Variants in LCTL observed in about 807,000 individuals in gnomAD.
The protein encoded by LCTL is lactase like, also known as lactase-like protein.
A neutral mutation model predicts 75.8 loss-of-function variants in LCTL; 76 were observed. The ratio of observed to expected loss-of-function variants is 1.00; its 90% CI spans 0.83 to 1.21. The LOEUF is 1.21. Among genes scored for constraint, LCTL ranks in the 50% most tolerant of loss-of-function variants. LCTL has a pLI of 0.00. For missense variants in LCTL, 670 were observed against 712.4 expected, an observed-to-expected ratio of 0.94 and a Z score of 0.68; for synonymous variants, 271 against 268.8, an observed-to-expected ratio of 1.01 and a Z score of -0.08.
intron 8 of LCTL, among the ~76,000 whole-genome samples, chr15:66,553,945 C>A (rs148602106): frequency 0.011 from 1,739 of 151,934 alleles, 19 homozygotes; most frequent in South Asian, 0.052. Flanking sequence ...CACTTGAGAT[C>A]AGGAGTTCGC....
chr15:66,551,801 T>C lies in LCTL; in HGVS notation c.1385A>G (p.Glu462Gly), dbSNP rs1895610714. ...TCTATCTGAGTATCCTTTCTCCCAT[T>C]CAAACTTATCCAACAGAGACCAGGA... Residue 462 changes from glutamate (E) to glycine (G), a missense_variant, in exon 11 of 13, where the codon GAA becomes GGA. Glu to Gly is a moderately conservative substitution (Grantham distance 98, BLOSUM62 -2). Transcript: ENST00000341509. 3 of 1,613,950 alleles carry C rather than the reference T, an allele frequency of 1.9e-6. No individual in the cohort carries two copies. The East Asian group carries it at 6.7e-5, about 36-fold the overall frequency.
intron 2 of LCTL, chr15:66,564,235 C>T: frequency 1.8e-6 from 1 of 562,968 alleles, no homozygotes; most frequent in Non-Finnish European, 3.2e-6. Context: ...CATCAGGGTG[C>T]CCCTAGTAAA....
At chr15:66,561,355 C>A (rs775167004) in intron 4 of LCTL, 40 bp from the exon 6 acceptor site, 1 of 1,613,008 alleles carries the variant, frequency 6.2e-7, no homozygotes, top group Non-Finnish European at 8.5e-7. Context: ...GAATGAACCG[C>A]AAAGCGGTTT....
chr15:66,563,085 A>G (rs2140853111), intron 4 of LCTL, among the ~76,000 whole-genome samples: 1 of 152,288 alleles, frequency 6.6e-6, no homozygotes, highest in African/African-American at 2.4e-5. Flanking sequence ...TCCCCTGTGT[A>G]ACAGTATGGG....
chr15:66,556,979 CTTA>C lies in LCTL; in HGVS notation c.922+740_922+742del, dbSNP rs1253498301. ...ATGGCCAAGAAAGCCCACCCCAAAA[CTTA>C]TTATGACAGAGTGATTCCCTTTTTC... On this transcript the variant is annotated intron_variant, in intron 8 of 12. Transcript: ENST00000341509. Among the ~76,000 whole-genome samples, 4 of 152,068 alleles carry C rather than the reference CTTA, an allele frequency of 2.6e-5. No homozygotes were observed. In the East Asian group the frequency reaches 7.7e-4, roughly 29 times the overall value.
At chr15:66,564,404 C>A in intron 2 of LCTL, 1 of 490,080 alleles carries the variant, frequency 2.0e-6, no homozygotes, top group South Asian at 2.6e-5. Context: ...AGCCCTTCAG[C>A]TCCCCCTTCA....
At chr15:66,558,123 CT>C in intron 6 of LCTL, 87 bp from the exon 8 acceptor site, 2 of 1,152,558 alleles carry the variant, frequency 1.7e-6, no homozygotes, top group Non-Finnish European at 2.5e-6. Context: ...TGCTTCCTAA[CT>C]TTAGAGCTAT....
chr15:66,564,675 C>A lies in LCTL; in HGVS notation c.282+1G>T. ...CACACACACTCACACCCCGCACTCA[C>A]CTGGACCTTGTAGTAGCCGTCACAG... On this transcript the variant is annotated splice_donor_variant, in intron 2 of 12. Coordinates refer to ENST00000341509, the Ensembl canonical transcript of LCTL. LOFTEE classifies it high-confidence loss of function. 5 of 1,611,586 alleles carry A rather than the reference C, an allele frequency of 3.1e-6. No individual in the cohort carries two copies. Among genetic ancestry groups the A allele is most frequent in the Non-Finnish European group, 4.2e-6 (5 of 1,179,916 alleles).
chr15:66,557,723 AATGT>A lies in LCTL; in HGVS notation c.917_920del (p.Tyr306LeufsTer35). The A allele has an allele frequency of 6.2e-7, 1 of 1,613,660 alleles. No homozygotes were observed. Among genetic ancestry groups the A allele is most frequent in the Middle Eastern group, 1.7e-4 (1 of 6,044 alleles). On this transcript the variant is annotated frameshift_variant and splice_region_variant, in exon 8 of 13. Transcript: ENST00000341509. LOFTEE classifies it high-confidence loss of function. ...AGTTTAAAATGAGACTGGGCTCACC[AATGT>A]AGTCCTTCATGACTTGGGGGTAGTC... is the stretch of plus-strand genomic sequence containing the variant.
At chr15:66,565,291 C>G (rs141415933) in exon 1 of LCTL, 16 of 1,613,618 alleles carry the variant, frequency 9.9e-6, no homozygotes, top group African/African-American at 4.0e-5. Context: ...CTTCTGGGGA[C>G]CCCTTCCGGG....
chr15:66,555,451 G>C (rs910893516), intron 8 of LCTL, among the ~76,000 whole-genome samples: 2 of 151,956 alleles, frequency 1.3e-5, no homozygotes, highest in African/African-American at 4.8e-5. Flanking sequence ...TGAGGCAGGA[G>C]AATCACTTGA....
rs768069134 is a variant in LCTL at position 66,553,225 on chromosome 15, G to A, written c.956C>T (p.Ser319Leu). Residue 319 changes from serine (S) to leucine (L), a missense_variant, in exon 9 of 13, where the codon TCG becomes TTG. Ser to Leu is a moderately radical substitution (Grantham distance 145). Coordinates refer to ENST00000341509, the Ensembl canonical transcript of LCTL. ...CTGGAGTGAGAACACCGGTAACCTC[G>A]ACATCTCCAGGCCTTGCTCTGCACT... 1.4e-5 allele frequency: 23 copies of A among 1,598,776 alleles called. No individual in the cohort carries two copies. The East Asian group carries it at 2.5e-4, about 17-fold the overall frequency.
Position 66,564,960 on chromosome 15 carries a change from A to T in LCTL, c.119-121T>A, listed in dbSNP as rs1895987298. 1.6e-5 allele frequency: 14 copies of T among 893,936 alleles called. No individual in the cohort carries two copies. In the South Asian group the frequency reaches 2.0e-4, roughly 13 times the overall value. The allele number at this position is 893,936 out of a possible 1,614,324, so 55.4% of individuals were successfully genotyped here. ...CTCCCTACCACGCTGCCCCTGTCCC[A>T]CTGGGGACTTGTCTTCCTAGGAGTG... On this transcript the variant is annotated intron_variant, in intron 1 of 12. Transcript: ENST00000341509.
chr15:66,551,488 A>G (rs1040079653), intron 11 of LCTL, among the ~76,000 whole-genome samples, 174 bp downstream of exon 12: 2 of 152,086 alleles, frequency 1.3e-5, no homozygotes, highest in Admixed American at 6.6e-5. Flanking sequence ...TGAAGTTTAC[A>G]TCATGCTTGC....
At chr15:66,564,623 TCA>T (rs1895974572) in intron 2 of LCTL, 51 bp downstream of exon 3, 10 of 1,574,562 alleles carry the variant, frequency 6.4e-6, no homozygotes, top group African/African-American at 1.3e-5. Context: ...AGGCATGTAC[TCA>T]CATGTGTGTG....
At chr15:66,562,973 T>C (rs1383684411) in intron 4 of LCTL, among the ~76,000 whole-genome samples, 1 of 152,232 alleles carries the variant, frequency 6.6e-6, no homozygotes, top group Non-Finnish European at 1.5e-5. Flanking sequence ...TTCACTCTTT[T>C]CACTTACTAC....
rs143189433 is a variant in LCTL at position 66,561,253 on chromosome 15, G to C, written c.543C>G (p.Tyr181Ter). The change falls in exon 5 of 13, where the codon TAC (tyrosine) becomes TAG (stop). Residue 181 changes from tyrosine to a stop codon, truncating the protein, a stop_gained. Transcript: ENST00000341509. LOFTEE classifies it high-confidence loss of function. ...CAAAGGCCTCAAAGCACAGGTTGGC[G>C]TAGTCTCTGAAGTAGTTGGCCATGC... 2 of 1,614,192 alleles carry C rather than the reference G, an allele frequency of 1.2e-6. No homozygotes were observed. Among genetic ancestry groups the C allele is most frequent in the South Asian group, 1.1e-5 (1 of 91,080 alleles).
chr15:66,565,402 C>A lies in LCTL; in HGVS notation c.-37G>T. On this transcript the variant is annotated 5_prime_UTR_variant, in exon 1 of 13. Transcript: ENST00000341509. ...CTCCCCCATACCTGAAAAAGTGCAG[C>A]TGGCTCTGCAGGCCCCTGCAGCCAG... 7.2e-7 allele frequency: 1 copy of A among 1,382,656 alleles called. No individual in the cohort carries two copies. The highest frequency in any genetic ancestry group is 1.2e-5 in the South Asian group (1 of 81,658). 85.6% of individuals were successfully genotyped at this position (1,382,656 alleles called of 1,614,324 possible).
intron 12 of LCTL, 112 bp from the exon 14 acceptor site, chr15:66,548,717 T>G: frequency 2.1e-6 from 1 of 484,464 alleles, no homozygotes. Flanking sequence ...AATAGCATCC[T>G]CAAATTTTCT....
Sources: allele counts gnomAD v4.1 joint callset (sites outside exome capture counted in the v4.1 genomes callset), GRCh38; gene constraint gnomAD v4.1.1; transcripts MANE v1.5; gene names NCBI Gene and HGNC (gene_info 2026-07-23, HGNC 2026-07-21).